Variants in MIPEP observed in about 807,000 individuals in gnomAD.
MIPEP encodes the protein mitochondrial intermediate peptidase.
In MIPEP, 79 loss-of-function variants were observed where a neutral mutation model predicts 90.3. The ratio of observed to expected loss-of-function variants is 0.87; its 90% CI spans 0.73 to 1.05. The LOEUF (loss-of-function observed/expected upper bound fraction) is 1.05, where lower values mean the gene tolerates loss of function less well. Among genes scored for constraint, MIPEP ranks in the 50% least tolerant of loss-of-function variants. The pLI, the probability that MIPEP is intolerant of heterozygous loss-of-function variation, is 0.00. For synonymous variants in MIPEP, 334 were observed against 315.8 expected, an observed-to-expected ratio of 1.06 and a Z score of -0.61; for missense variants, 940 against 905.6, an observed-to-expected ratio of 1.04 and a Z score of -0.49.
intron 18 of MIPEP, among the ~76,000 whole-genome samples, chr13:23,737,824 A>C (rs1952281642): frequency 6.6e-6 from 1 of 152,226 alleles, no homozygotes; most frequent in Non-Finnish European, 1.5e-5. Flanking sequence ...CTAGGGTGAA[A>C]TCGTTGGTGT....
chr13:23,805,431 T>C (rs191639348), intron 16 of MIPEP, among the ~76,000 whole-genome samples: 3 of 152,318 alleles, frequency 2.0e-5, no homozygotes, highest in African/African-American at 7.2e-5. Flanking sequence ...AGAGCTAAAT[T>C]AGAGATCTTT....
At chr13:23,835,821 C>T (rs1047322078) in intron 14 of MIPEP, among the ~76,000 whole-genome samples, 2 of 152,164 alleles carry the variant, frequency 1.3e-5, no homozygotes, top group African/African-American at 4.8e-5. Context: ...AAATATGGCA[C>T]TGGATTCAGT....
At chr13:23,883,605 A>T (rs2312295) in intron 2 of MIPEP, among the ~76,000 whole-genome samples, 60,085 of 152,070 alleles carry the variant, frequency 0.4, 12,034 homozygotes, top group East Asian at 0.45. Flanking sequence ...TAAATAGCTG[A>T]TACACTGTAT....
chr13:23,841,813 A>G (rs1192143913), intron 10 of MIPEP, among the ~76,000 whole-genome samples: 1 of 152,176 alleles, frequency 6.6e-6, no homozygotes. Context: ...ACATACTTAC[A>G]TGCAAAATAT....
chr13:23,872,468 T>A (rs556951947), intron 5 of MIPEP, among the ~76,000 whole-genome samples: 3 of 150,564 alleles, frequency 2.0e-5, no homozygotes, highest in African/African-American at 5.0e-5. Flanking sequence ...TCTCAAAAAA[T>A]AATAATAATA....
At chr13:23,873,575 T>G (rs1232346641) in intron 5 of MIPEP, among the ~76,000 whole-genome samples, 1 of 152,178 alleles carries the variant, frequency 6.6e-6, no homozygotes, top group Non-Finnish European at 1.5e-5. Flanking sequence ...AAATACTCAG[T>G]TGATGTTAAA....
At chr13:23,765,586 T>C (rs1297481712) in intron 16 of MIPEP, among the ~76,000 whole-genome samples, 1 of 152,174 alleles carries the variant, frequency 6.6e-6, no homozygotes, top group African/African-American at 2.4e-5. Flanking sequence ...ACCACGAGTA[T>C]AGAAATGCAA....
chr13:23,801,331 T>G (rs971665954), intron 16 of MIPEP, among the ~76,000 whole-genome samples: 1 of 152,184 alleles, frequency 6.6e-6, no homozygotes, highest in Non-Finnish European at 1.5e-5. Flanking sequence ...TGCACTGTTC[T>G]CAGGTCTGTT....
chr13:23,824,145 C>A (rs1157268286), intron 14 of MIPEP, among the ~76,000 whole-genome samples: 1 of 152,180 alleles, frequency 6.6e-6, no homozygotes, highest in Non-Finnish European at 1.5e-5. Flanking sequence ...TAGTTATCAC[C>A]TGAATTCTCT....
intron 14 of MIPEP, among the ~76,000 whole-genome samples, chr13:23,815,440 C>T (rs1953222562): frequency 6.6e-6 from 1 of 152,034 alleles, no homozygotes; most frequent in East Asian, 1.9e-4. Flanking sequence ...CCTCAGCTTC[C>T]CAAGTAGCTG....
At chr13:23,764,675 A>T (rs1461853506) in intron 16 of MIPEP, among the ~76,000 whole-genome samples, 2 of 151,344 alleles carry the variant, frequency 1.3e-5, no homozygotes, top group African/African-American at 4.9e-5. Flanking sequence ...CTCAGACCTC[A>T]GCCTCCTGAG....
chr13:23,780,457 T>A (rs1176561617), intron 16 of MIPEP, among the ~76,000 whole-genome samples: 1 of 152,066 alleles, frequency 6.6e-6, no homozygotes, highest in Non-Finnish European at 1.5e-5. Flanking sequence ...CATCTGTACG[T>A]CACCATCATC....
Position 23,889,253 on chromosome 13 carries a change from C to A in MIPEP, c.68G>T (p.Gly23Val). 7.2e-7 allele frequency: 1 copy of A among 1,392,228 alleles called. No homozygotes were observed. The highest frequency in any genetic ancestry group is 9.3e-7 in the Non-Finnish European group (1 of 1,073,110). 86.2% of individuals were successfully genotyped at this position (1,392,228 alleles called of 1,614,324 possible). Residue 23 changes from glycine to valine, a missense_variant, in exon 1 of 19, where the codon GGC becomes GTC. Coordinates refer to ENST00000382172, the MANE Select transcript of MIPEP (RefSeq NM_005932.4). ...RAAALPPRRA[G>V]RGSLEAGIRA... ...GATCCCGGCTTCGAGGCTTCCCCGG[C>A]CCGCCCGGCGGGGCGGCAGAGCTGC...
At chr13:23,835,588 G>A (rs1459670188) in intron 14 of MIPEP, among the ~76,000 whole-genome samples, 3 of 152,134 alleles carry the variant, frequency 2.0e-5, no homozygotes, top group East Asian at 1.9e-4. Flanking sequence ...CACGTAATAC[G>A]GTTCTAGTAT....
intron 18 of MIPEP, among the ~76,000 whole-genome samples, chr13:23,735,193 ACACTGCCTCCTCCAGC>A (rs1952248194): frequency 1.3e-5 from 2 of 152,142 alleles, no homozygotes; most frequent in Non-Finnish European, 2.9e-5. Flanking sequence ...TGCAAATCAG[ACACTGCCTCCTCCAGC>A]CTCTGTATAT....
chr13:23,835,645 A>C (rs977752228), intron 14 of MIPEP, among the ~76,000 whole-genome samples: 2 of 152,238 alleles, frequency 1.3e-5, no homozygotes, highest in Non-Finnish European at 2.9e-5. Context: ...CAATGTACAC[A>C]TGGACAGTAA....
intron 9 of MIPEP, among the ~76,000 whole-genome samples, chr13:23,861,798 G>A (rs1870318771): frequency 6.6e-6 from 1 of 152,144 alleles, no homozygotes; most frequent in African/African-American, 2.4e-5. Flanking sequence ...TATACTCTTG[G>A]ATCACATAAG....
intron 10 of MIPEP, among the ~76,000 whole-genome samples, chr13:23,854,134 G>T (rs528448272): frequency 6.6e-6 from 1 of 150,702 alleles, no homozygotes; most frequent in Non-Finnish European, 1.5e-5. Context: ...GATCATCCTG[G>T]CTAACACGGT....
intron 18 of MIPEP, among the ~76,000 whole-genome samples, chr13:23,753,816 T>C (rs543855957): frequency 1.3e-5 from 2 of 152,342 alleles, no homozygotes; most frequent in Admixed American, 6.5e-5. Context: ...AGTTTGCCTA[T>C]GTAGAACTTA....
Sources: gnomAD v4.1 joint callset for allele counts (sites outside exome capture counted in the v4.1 genomes callset) on GRCh38, gnomAD v4.1.1 for gene constraint, MANE v1.5 for transcripts, NCBI Gene and HGNC (gene_info 2026-07-23, HGNC 2026-07-21) for gene names.